ANKS6: variants seen among roughly 807,000 people sequenced by gnomAD.
The protein encoded by ANKS6 is ankyrin repeat and SAM domain-containing protein 6.
In ANKS6, 47 loss-of-function variants were observed where a neutral mutation model predicts 77.9. The ratio of observed to expected loss-of-function variants is 0.60; its 90% CI spans 0.48 to 0.77. ANKS6 has a LOEUF of 0.77. ANKS6 is among the 30% of genes least tolerant of loss of function. The pLI, the probability that ANKS6 is intolerant of heterozygous loss-of-function variation, is 0.00. For synonymous variants in ANKS6, 488 were observed against 501.7 expected (o/e 0.97, Z 0.37); for missense variants, 1,150 against 1,159.1 (o/e 0.99, Z 0.11).
chr9:98,778,286 G>C lies in ANKS6; in HGVS notation c.1507C>G (p.Pro503Ala), dbSNP rs200049920. ...PALDSTMRAA[P>A]QDKTSRSALP... ...GCAGAGCGGCTTGTCTTGTCCTGGG[G>C]GGCAGCCCTCATTGTGGAGTCCAGA... The change falls in exon 7 of 15, where the codon CCC becomes GCC. Residue 503 changes from proline (P) to alanine (A), a missense_variant. By Grantham distance (27) the Pro-to-Ala change is conservative (BLOSUM62 -1). Coordinates refer to ENST00000353234, the MANE Select transcript of ANKS6 (RefSeq NM_173551.5). The C allele has an allele frequency of 5.6e-6, 9 of 1,614,038 alleles. No individual in the cohort carries two copies. Among genetic ancestry groups the C allele is most frequent in the Non-Finnish European group, 6.8e-6 (8 of 1,180,038 alleles).
intron 14 of ANKS6, 35 bp downstream of exon 14, chr9:98,745,524 T>G (rs1832079730): frequency 3.2e-6 from 5 of 1,582,292 alleles, no homozygotes; most frequent in African/African-American, 2.7e-5. Context: ...CTCAGATGTC[T>G]GAAACACGGA....
chr9:98,767,997 G>A (rs1833393888), intron 11 of ANKS6, 84 bp downstream of exon 11: 2 of 1,491,828 alleles, frequency 1.3e-6, no homozygotes, highest in African/African-American at 2.8e-5. Flanking sequence ...CATGACTAAG[G>A]CACTGCCCAT....
intron 9 of ANKS6, among the ~76,000 whole-genome samples, chr9:98,771,798 C>G (rs1020605503): frequency 2.0e-5 from 3 of 152,166 alleles, no homozygotes; most frequent in Non-Finnish European, 1.5e-5. Context: ...AATATGGGCT[C>G]TGGTCTAGGG....
intron 2 of ANKS6, among the ~76,000 whole-genome samples, chr9:98,786,293 G>GTTTT (rs376048676): frequency 7.7e-6 from 1 of 129,694 alleles, no homozygotes; most frequent in African/African-American, 2.8e-5. Context: ...CTCCAGAATT[G>GTTTT]TTTTTTTTTT....
chr9:98,796,365 G>A lies in ANKS6; in HGVS notation c.127C>T (p.Pro43Ser). The A allele has an allele frequency of 9.4e-7, 1 of 1,061,338 alleles. No homozygotes were observed. The highest frequency in any genetic ancestry group is 5.5e-5 in the Admixed American group (1 of 18,206). The allele number at this position is 1,061,338 out of a possible 1,614,324, so 65.7% of individuals were successfully genotyped here. A position where few individuals can be genotyped will look rare whatever the true frequency, so the allele number is the denominator to read the frequency against. Residue 43 changes from proline to serine, a missense_variant, in exon 1 of 15, where the codon CCG becomes TCG. By Grantham distance (74) the Pro-to-Ser change is moderately conservative (BLOSUM62 -1). Transcript: ENST00000353234. ...CCCGCCGGCTCCGCGCCCGCCTCCG[G>A]CTCCGCGCCGCGCTCGGCTGGCTCC... ...AAEPAERGAE[P>S]EAGAEPAGAE...
intron 13 of ANKS6, among the ~76,000 whole-genome samples, chr9:98,750,258 T>C (rs1832355285): frequency 8.6e-6 from 1 of 116,728 alleles, no homozygotes; most frequent in Admixed American, 8.8e-5. Context: ...GGACATTTCA[T>C]ATAAATGAAA....
chr9:98,790,234 C>CA lies in ANKS6; in HGVS notation c.731dup (p.Val245GlyfsTer8). Reference sequence around the variant, plus strand: ...GGTCAGGGTTGGCGCCCTTCTCCACCAGCTGCTGGGCCACTCCAAGCCGCC... The same window carrying CA: ...GGTCAGGGTTGGCGCCCTTCTCCACCAAGCTGCTGGGCCACTCCAAGCCGCC... On this transcript the variant is annotated frameshift_variant, in exon 2 of 15. Transcript: ENST00000353234. LOFTEE classifies it high-confidence loss of function. 1 of 1,607,072 alleles carries CA rather than the reference C, an allele frequency of 6.2e-7. No homozygotes were observed. The highest frequency in any genetic ancestry group is 8.5e-7 in the Non-Finnish European group (1 of 1,174,858).
At position 98,796,302 on chromosome 9, in the gene ANKS6, C is replaced by G. The variant is rs1022019420; in HGVS notation, c.190G>C (p.Ala64Pro). 188 of 1,262,436 alleles carry G rather than the reference C, an allele frequency of 1.5e-4. No individual in the cohort carries two copies. Among genetic ancestry groups the G allele is most frequent in the Non-Finnish European group, 1.8e-4 (177 of 1,003,320 alleles). 78.2% of individuals were successfully genotyped at this position (1,262,436 alleles called of 1,614,324 possible). ...TCCACGGGCACCGGAGCCCCGACTG[C>G]CCCCGCCGCTGCGGCCCCGGGCCCG... Reference protein sequence around the residue: ...VAGPGAAAAGAVGAPVPVDCS... With the variant: ...VAGPGAAAAGPVGAPVPVDCS... The change falls in exon 1 of 15, where the codon GCA (alanine) becomes CCA (proline). Residue 64 changes from alanine to proline, a missense_variant. Coordinates refer to ENST00000353234, the MANE Select transcript of ANKS6 (RefSeq NM_173551.5).
At chr9:98,756,297 C>T (rs1385125781) in intron 12 of ANKS6, 123 bp downstream of exon 12, 12 of 1,070,280 alleles carry the variant, frequency 1.1e-5, no homozygotes, top group South Asian at 8.4e-5. Context: ...ACATGTTTGT[C>T]GTAAATCTTC....
At position 98,790,561 on chromosome 9, in the gene ANKS6, A is replaced by G; in HGVS notation, c.405T>C (p.Ala135=). Residue 135 remains alanine, a synonymous_variant, in exon 2 of 15, where the codon GCT becomes GCC. Transcript: ENST00000353234. ...CCAGCCGGTTCTGGGCATTGACATC[A>G]GCCCCGTGATCCAACAGGAGGTGTG... ...SVAHLLLDHG[A]DVNAQNRLGA... is the part of the protein sequence containing the mutation. 2 of 1,610,944 alleles carry G rather than the reference A, an allele frequency of 1.2e-6. No homozygotes were observed. Among genetic ancestry groups the G allele is most frequent in the Non-Finnish European group, 1.7e-6 (2 of 1,177,624 alleles).
At chr9:98,758,280 T>C (rs926122685) in intron 11 of ANKS6, among the ~76,000 whole-genome samples, 31 of 151,966 alleles carry the variant, frequency 2.0e-4, no homozygotes, top group Admixed American at 9.8e-4. Flanking sequence ...CATTGTGAGA[T>C]CTTTCGGGTT....
intron 4 of ANKS6, among the ~76,000 whole-genome samples, chr9:98,783,367 A>G (rs951682511): frequency 1.1e-4 from 17 of 152,202 alleles, no homozygotes; most frequent in African/African-American, 4.1e-4. Context: ...GAGGGCAAGG[A>G]AAGAACCTCT....
At chr9:98,757,465 C>T (rs1832775836) in intron 11 of ANKS6, among the ~76,000 whole-genome samples, 1 of 152,080 alleles carries the variant, frequency 6.6e-6, no homozygotes, top group African/African-American at 2.4e-5. Context: ...TAAGTTTTCC[C>T]ATAATTAGAT....
intron 5 of ANKS6, 31 bp downstream of exon 5, chr9:98,782,436 G>A (rs1834324054): frequency 1.3e-6 from 2 of 1,591,354 alleles, no homozygotes; most frequent in African/African-American, 2.7e-5. Flanking sequence ...ACGCTGGGTA[G>A]ATTTACAACC....
chr9:98,751,180 T>A lies in ANKS6; in HGVS notation c.2327-84A>T. On this transcript the variant is annotated intron_variant, in intron 12 of 14. Transcript: ENST00000353234. ...TCAAACCTTTATAAAGTAGTGGTAA[T>A]CTTATTTCAAATGAAATTCTATAAG... The A allele has an allele frequency of 3.7e-6, 4 of 1,068,330 alleles. No homozygotes were observed. In the Middle Eastern group the frequency reaches 6.7e-4, roughly 179 times the overall value. 66.2% of individuals were successfully genotyped at this position (1,068,330 alleles called of 1,614,324 possible). A position where few individuals can be genotyped will look rare whatever the true frequency, so the allele number is the denominator to read the frequency against.
In ANKS6 at chr9:98,732,616, A is replaced by C; in HGVS notation, c.*3903T>G. ...AGAGATGAAAGGATTTAAAATGGGCAACCATCTTTGAGGTTTCCCACATCT... is the reference window on the plus strand; with the variant it reads ...AGAGATGAAAGGATTTAAAATGGGCCACCATCTTTGAGGTTTCCCACATCT... On this transcript the variant is annotated 3_prime_UTR_variant, in exon 15 of 15. Coordinates refer to ENST00000353234, the MANE Select transcript of ANKS6 (RefSeq NM_173551.5). The C allele has an allele frequency of 6.5e-7, 1 of 1,549,530 alleles. No individual in the cohort carries two copies. The highest frequency in any genetic ancestry group is 8.7e-7 in the Non-Finnish European group (1 of 1,146,770).
chr9:98,790,731 C>CACAGTGCCTGGA, intron 1 of ANKS6, 125 bp from the exon 2 acceptor site: 1 of 1,328,328 alleles, frequency 7.5e-7, no homozygotes, highest in Non-Finnish European at 1.0e-6. Flanking sequence ...CTTATTCTGG[C>CACAGTGCCTGGA]GCCAGGCACT....
At chr9:98,766,351 C>A (rs1833289633) in intron 11 of ANKS6, among the ~76,000 whole-genome samples, 1 of 151,908 alleles carries the variant, frequency 6.6e-6, no homozygotes, top group Non-Finnish European at 1.5e-5. Context: ...TTAAAGGAAG[C>A]TAACATATAA....
Position 98,768,106 on chromosome 9 carries a change from G to A in ANKS6, c.2117C>T (p.Ala706Val). ...CTTGCCAACAGGAGCGCTGCCACCT[G>A]CAGGGGAGGCTGGAAGCTCAGACGG... is the stretch of plus-strand genomic sequence containing the variant. ...SSPSELPASP[A>V]GGSAPVGKKL... The change falls in exon 11 of 15, where the codon GCA (alanine) becomes GTA (valine). Residue 706 changes from alanine (A) to valine (V), a missense_variant. By Grantham distance (64) the Ala-to-Val change is moderately conservative. Transcript: ENST00000353234. 6.2e-7 allele frequency: 1 copy of A among 1,611,620 alleles called. No individual in the cohort carries two copies. Among genetic ancestry groups the A allele is most frequent in the Non-Finnish European group, 8.5e-7 (1 of 1,179,232 alleles).
Sources: allele counts gnomAD v4.1 joint callset (sites outside exome capture counted in the v4.1 genomes callset), GRCh38; gene constraint gnomAD v4.1.1; transcripts MANE v1.5; gene names NCBI Gene and HGNC (gene_info 2026-07-23, HGNC 2026-07-21).